Variants in CADPS observed in about 807,000 individuals in gnomAD.
The protein encoded by CADPS is calcium dependent secretion activator.
A neutral mutation model predicts 167.3 loss-of-function variants in CADPS; 57 were observed. The observed-to-expected ratio is 0.34, with a 90% confidence interval of 0.28 to 0.42. The LOEUF (loss-of-function observed/expected upper bound fraction) is 0.42, where lower values mean the gene tolerates loss of function less well. Ranked by LOEUF, CADPS falls within the 20% of genes least tolerant of loss-of-function variation. The probability of loss-of-function intolerance (pLI) is 1.00; values close to 1 mark genes in which losing one functional copy is unlikely to be tolerated. For synonymous variants in CADPS, 676 were observed against 635.3 expected (o/e 1.06, Z -0.96); for missense variants, 1,414 against 1,738.1 (o/e 0.81, Z 3.32).
chr3:62,725,108 C>T (rs998341788), intron 3 of CADPS, among the ~76,000 whole-genome samples: 1 of 152,162 alleles, frequency 6.6e-6, no homozygotes, highest in African/African-American at 2.4e-5. Context: ...TCGGAATTCC[C>T]AATCTTCTCC....
At chr3:62,801,068 C>A (rs1243770331) in intron 1 of CADPS, among the ~76,000 whole-genome samples, 1 of 152,120 alleles carries the variant, frequency 6.6e-6, no homozygotes. Flanking sequence ...AGTGTGGTGA[C>A]TAACCTTGGA....
Position 62,421,199 on chromosome 3 carries a change from C to T in CADPS, c.3777+16905G>A, listed in dbSNP as rs775466593. Among the ~76,000 whole-genome samples the T allele has an allele frequency of 5.3e-5, 8 of 152,216 alleles. No homozygotes were observed. Among genetic ancestry groups the T allele is most frequent in the East Asian group, 1.9e-4 (1 of 5,170 alleles). ...TGAGGCCCGGATCACTCTGCCTTGC[C>T]GTCAATGCTTCTCGTCCACAAGGCT... On this transcript the variant is annotated intron_variant, in intron 28 of 29. Transcript: ENST00000383710. The surrounding 1 kb of genome is among the most constrained non-coding windows in gnomAD (Gnocchi z 4.7).
rs2060189339 is a variant in CADPS, at chr3:62,603,000, A to AT, written c.1326-10253_1326-10252insA. ...AAGAAAGCAGAAAATGGCATTTGGAAGTACCAGGAAGCAGGCGGGGGCAAT... is the reference window on the plus strand; with the variant it reads ...AAGAAAGCAGAAAATGGCATTTGGAATGTACCAGGAAGCAGGCGGGGGCAAT... On this transcript the variant is annotated intron_variant, in intron 6 of 29. Coordinates refer to ENST00000383710, the MANE Select transcript of CADPS (RefSeq NM_003716.4). The surrounding 1 kb of genome is among the most constrained non-coding windows in gnomAD (Gnocchi z 4.4). 6.6e-6 allele frequency among the ~76,000 whole-genome samples: 1 copy of AT among 152,208 alleles called. No homozygotes were observed. The highest frequency in any genetic ancestry group is 1.5e-5 in the Non-Finnish European group (1 of 68,034).
intron 13 of CADPS, among the ~76,000 whole-genome samples, chr3:62,531,538 C>T (rs367854288): frequency 2.0e-5 from 3 of 152,012 alleles, no homozygotes; most frequent in Non-Finnish European, 4.4e-5. Flanking sequence ...CAGAAAAAAT[C>T]CTACAGAGAT....
At chr3:62,700,069 C>G (rs1016881357) in intron 3 of CADPS, among the ~76,000 whole-genome samples, 1 of 152,110 alleles carries the variant, frequency 6.6e-6, no homozygotes, top group African/African-American at 2.4e-5. Flanking sequence ...TCCTCTATCT[C>G]TACCATGCTA....
intron 3 of CADPS, among the ~76,000 whole-genome samples, chr3:62,713,449 C>A (rs568079372): frequency 8.9e-4 from 136 of 152,300 alleles, no homozygotes; most frequent in Admixed American, 1.8e-3. Flanking sequence ...GCAGTTATCA[C>A]CCCTTTTCAG....
chr3:62,637,328 A>C (rs1217680508), intron 6 of CADPS, among the ~76,000 whole-genome samples: 1 of 152,192 alleles, frequency 6.6e-6, no homozygotes, highest in African/African-American at 2.4e-5. Context: ...CAGCTAGTTC[A>C]GTGCCTGGTA....
intron 26 of CADPS, among the ~76,000 whole-genome samples, chr3:62,456,320 CAT>C: frequency 6.6e-6 from 1 of 152,182 alleles, no homozygotes; most frequent in East Asian, 1.9e-4. Context: ...TAAAGGGAAA[CAT>C]GTTTCTACTA....
rs1559522190 is a variant in CADPS at position 62,765,880 on chromosome 3, A to G, written c.546T>C (p.Ser182=). ...GAACAGTGATTCTCACCTCATAGTA[A>G]CTCTGCACAGCGTTCATGAAGGCTT... ...ADEAFMNAVQ[S]YYEVFLKSDR... The change falls in exon 2 of 30, where the codon AGT becomes AGC. Residue 182 remains serine, a synonymous_variant. Coordinates refer to ENST00000383710, the MANE Select transcript of CADPS (RefSeq NM_003716.4). The G allele has an allele frequency of 1.2e-6, 2 of 1,608,530 alleles. No homozygotes were observed. The highest frequency in any genetic ancestry group is 4.5e-5 in the East Asian group (2 of 44,822).
At chr3:62,432,135 C>T (rs2149634374) in intron 28 of CADPS, among the ~76,000 whole-genome samples, 1 of 152,100 alleles carries the variant, frequency 6.6e-6, no homozygotes, top group East Asian at 1.9e-4. Context: ...TAGAGCTAGG[C>T]TATTTCAAAA....
chr3:62,769,989 A>C (rs547712085), intron 1 of CADPS, among the ~76,000 whole-genome samples: 28 of 152,222 alleles, frequency 1.8e-4, no homozygotes, highest in African/African-American at 6.5e-4. Context: ...TAAAAGAGCC[A>C]AATGATAAAC....
At chr3:62,629,877 CAG>C (rs2064956754) in intron 6 of CADPS, among the ~76,000 whole-genome samples, 1 of 151,922 alleles carries the variant, frequency 6.6e-6, no homozygotes, top group Middle Eastern at 3.2e-3. Flanking sequence ...ACTTGATCTT[CAG>C]GTGAGTGGAT....
chr3:62,603,477 G>A (rs925605478), intron 6 of CADPS, among the ~76,000 whole-genome samples: 17 of 152,296 alleles, frequency 1.1e-4, no homozygotes, highest in Admixed American at 9.8e-4. Flanking sequence ...CAAGGCTGGA[G>A]GGAATAATGT....
At position 62,412,512 on chromosome 3, in the gene CADPS, C is replaced by T. The variant is rs2049162681; in HGVS notation, c.3778-9327G>A. On this transcript the variant is annotated intron_variant, in intron 28 of 29. Coordinates refer to ENST00000383710, the MANE Select transcript of CADPS (RefSeq NM_003716.4). The surrounding 1 kb of genome is among the most constrained non-coding windows in gnomAD (Gnocchi z 4.1). The stretch of plus-strand genomic sequence containing the variant: ...GTATAAGGGATTTAACATTTGGGAG[C>T]ATTATTTCAACTCCCTTAGGAAGGT... Among the ~76,000 whole-genome samples the T allele has an allele frequency of 2.6e-5, 4 of 152,232 alleles. No individual in the cohort carries two copies. In the South Asian group the frequency reaches 8.3e-4, roughly 32 times the overall value.
rs1413396998 is a variant in CADPS at position 62,516,620 on chromosome 3, G to C, written c.2417C>G (p.Pro806Arg). The change falls in exon 15 of 30, where the codon CCT (proline) becomes CGT (arginine). Residue 806 changes from proline to arginine, a missense_variant. This residue lies in a region of CADPS where 529 missense variants were observed against 629.6 expected (regional missense o/e 0.84). Coordinates refer to ENST00000383710, the MANE Select transcript of CADPS (RefSeq NM_003716.4). ...HFRYCFPFGR[P>R]EGALKATLSL... The stretch of plus-strand genomic sequence containing the variant: ...GAGAGTAGCTTTCAAAGCACCTTCA[G>C]GTCGACCAAATGGAAAGCAATACCT... 1 of 1,603,012 alleles carries C rather than the reference G, an allele frequency of 6.2e-7. No homozygotes were observed.
At chr3:62,567,887 T>A (rs1456925969) in intron 9 of CADPS, among the ~76,000 whole-genome samples, 1 of 152,108 alleles carries the variant, frequency 6.6e-6, no homozygotes, top group Non-Finnish European at 1.5e-5. Flanking sequence ...CACTGCCTCT[T>A]GATGTGTCTT....
At chr3:62,669,032 A>C (rs906082632) in intron 3 of CADPS, among the ~76,000 whole-genome samples, 1 of 152,186 alleles carries the variant, frequency 6.6e-6, no homozygotes, top group African/African-American at 2.4e-5. Flanking sequence ...TTGCTGGCCT[A>C]TAATCAGTCT....
chr3:62,557,543 A>AC, intron 9 of CADPS, 30 bp from the exon 10 acceptor site: 1 of 1,541,214 alleles, frequency 6.5e-7, no homozygotes. Context: ...TGTGAGGTTG[A>AC]CCCCTGGAGC....
chr3:62,836,802 T>C (rs2075964878), intron 1 of CADPS, among the ~76,000 whole-genome samples: 1 of 152,148 alleles, frequency 6.6e-6, no homozygotes, highest in Non-Finnish European at 1.5e-5. Context: ...CCTGGAACTT[T>C]CCTTTCGCCC....
Sources: allele counts gnomAD v4.1 joint callset (sites outside exome capture counted in the v4.1 genomes callset), GRCh38; gene constraint gnomAD v4.1.1; regional missense constraint gnomAD v4.1.1; non-coding constraint Gnocchi (gnomAD v3.1); transcripts MANE v1.5; gene names NCBI Gene and HGNC (gene_info 2026-07-23, HGNC 2026-07-21).